CSMD1: variants seen among roughly 807,000 people sequenced by gnomAD.
The protein encoded by CSMD1 is CUB and sushi domain-containing protein 1.
CSMD1 carries 213 observed loss-of-function variants against 417.5 expected under a neutral mutation model. The ratio of observed to expected loss-of-function variants is 0.51; its 90% CI spans 0.46 to 0.57. The LOEUF is 0.57. CSMD1 is among the 20% of genes least tolerant of loss of function. The probability of loss-of-function intolerance (pLI) is 0.00; values close to 1 mark genes in which losing one functional copy is unlikely to be tolerated. For missense variants in CSMD1, 6,923 were observed against 4,529.7 expected (o/e 1.53, Z -15.17); for synonymous variants, 2,862 against 1,736.8 (o/e 1.65, Z -16.11).
intron 5 of CSMD1, among the ~76,000 whole-genome samples, chr8:3,956,367 T>C (rs552225021): frequency 2.2e-3 from 339 of 152,210 alleles, no homozygotes; most frequent in African/African-American, 7.8e-3. Context: ...TATAGAACAA[T>C]TAGAAGTGAG....
At chr8:3,832,301 C>G (rs10111503) in intron 5 of CSMD1, among the ~76,000 whole-genome samples, 62,772 of 152,058 alleles carry the variant, frequency 0.41, 13,776 homozygotes, top group African/African-American at 0.56. Flanking sequence ...TTAATCTTTA[C>G]CGTTAAAACG....
At chr8:4,398,385 CTTCTTTTTT>C (rs1804403364) in intron 3 of CSMD1, among the ~76,000 whole-genome samples, 1 of 118,134 alleles carries the variant, frequency 8.5e-6, no homozygotes, top group African/African-American at 3.2e-5. Flanking sequence ...CTTGCTGCAA[CTTCTTTTTT>C]TTTTTTTTTT....
chr8:3,296,890 G>A (rs1039432017), intron 25 of CSMD1, among the ~76,000 whole-genome samples: 1 of 152,184 alleles, frequency 6.6e-6, no homozygotes, highest in Admixed American at 6.5e-5. Context: ...AGATGGAGGG[G>A]TATGTAGGTA....
chr8:3,170,562 G>C lies in CSMD1; in HGVS notation c.5726-8285C>G, dbSNP rs114695715. ...GTGTGCTTTACCCTCCCATAGCACA[G>C]AATATACTGCATTTTAAGTCTTTTG... On this transcript the variant is annotated intron_variant, in intron 37 of 69. Coordinates refer to ENST00000635120, the MANE Select transcript of CSMD1 (RefSeq NM_033225.6). 3.6e-3 allele frequency among the ~76,000 whole-genome samples: 545 copies of C among 152,328 alleles called. 7 individuals carry two copies. Among genetic ancestry groups the C allele is most frequent in the African/African-American group, 0.012 (496 of 41,582 alleles).
chr8:4,188,560 G>C (rs893800615), intron 3 of CSMD1, among the ~76,000 whole-genome samples: 3 of 152,074 alleles, frequency 2.0e-5, no homozygotes, highest in African/African-American at 7.2e-5. Flanking sequence ...GGCAGTATGA[G>C]GTAGACACTG....
chr8:3,568,488 G>A (rs1799811715), intron 10 of CSMD1, among the ~76,000 whole-genome samples: 2 of 152,302 alleles, frequency 1.3e-5, no homozygotes, highest in Admixed American at 6.5e-5. Context: ...AATCCTCAGA[G>A]TTTTTAATGA....
chr8:3,316,090 G>C (rs1157862630), intron 23 of CSMD1, among the ~76,000 whole-genome samples: 2 of 151,990 alleles, frequency 1.3e-5, no homozygotes, highest in African/African-American at 4.8e-5. Flanking sequence ...GGGAACTTGG[G>C]GCAAGACCAG....
chr8:3,979,008 A>G (rs1813651385), intron 5 of CSMD1, among the ~76,000 whole-genome samples: 1 of 152,198 alleles, frequency 6.6e-6, no homozygotes, highest in Admixed American at 6.5e-5. Context: ...GAAAATCAGA[A>G]AAAGAACAAA....
intron 3 of CSMD1, among the ~76,000 whole-genome samples, chr8:4,287,860 G>C (rs947258048): frequency 2.6e-5 from 4 of 151,858 alleles, no homozygotes; most frequent in African/African-American, 9.7e-5. Flanking sequence ...CCTGTTCCTA[G>C]GTGAAAACAA....
At chr8:3,433,330 C>A (rs115358721) in intron 12 of CSMD1, among the ~76,000 whole-genome samples, 3 of 152,166 alleles carry the variant, frequency 2.0e-5, no homozygotes, top group African/African-American at 7.2e-5. Context: ...ACTTCCACTG[C>A]CTGACTGTTT....
At chr8:3,802,080 G>A (rs1183255030) in intron 5 of CSMD1, among the ~76,000 whole-genome samples, 2 of 151,948 alleles carry the variant, frequency 1.3e-5, no homozygotes, top group Non-Finnish European at 2.9e-5. Context: ...TAAACTTAAG[G>A]ATATGTAAAT....
At chr8:3,746,521 C>T (rs183316913) in intron 6 of CSMD1, among the ~76,000 whole-genome samples, 22 of 152,234 alleles carry the variant, frequency 1.4e-4, no homozygotes, top group Admixed American at 1.4e-3. Context: ...TAAATCAATA[C>T]ATAAAAGTGC....
intron 5 of CSMD1, among the ~76,000 whole-genome samples, chr8:3,803,934 T>G (rs1800592540): frequency 6.6e-6 from 1 of 152,066 alleles, no homozygotes; most frequent in Non-Finnish European, 1.5e-5. Flanking sequence ...GTTTCTCTTT[T>G]TTTCTTTTTT....
intron 10 of CSMD1, among the ~76,000 whole-genome samples, chr8:3,514,051 A>C (rs1186066716): frequency 6.6e-6 from 1 of 152,194 alleles, no homozygotes; most frequent in Non-Finnish European, 1.5e-5. Flanking sequence ...CAGTTCTCTT[A>C]GGAACACCCT....
At chr8:4,040,150 C>T (rs896052760) in intron 3 of CSMD1, among the ~76,000 whole-genome samples, 1 of 152,096 alleles carries the variant, frequency 6.6e-6, no homozygotes, top group African/African-American at 2.4e-5. Context: ...AGAGTCAAGG[C>T]TATTAATGAA....
chr8:3,750,191 A>G (rs1797264071), intron 6 of CSMD1, among the ~76,000 whole-genome samples: 1 of 152,152 alleles, frequency 6.6e-6, no homozygotes, highest in Admixed American at 6.5e-5. Flanking sequence ...AGTAACACTG[A>G]CGGAATTTTT....
intron 25 of CSMD1, among the ~76,000 whole-genome samples, chr8:3,301,926 C>T (rs1269649904): frequency 6.6e-6 from 1 of 152,052 alleles, no homozygotes. Flanking sequence ...GCTTTGTTTT[C>T]AGATTCTATG....
intron 5 of CSMD1, among the ~76,000 whole-genome samples, chr8:3,798,840 A>C (rs919701327): frequency 2.0e-5 from 3 of 151,996 alleles, no homozygotes; most frequent in Non-Finnish European, 2.9e-5. Context: ...AAAATGTTGT[A>C]TTTTCCTACT....
chr8:3,029,244 G>A, intron 51 of CSMD1, 75 bp downstream of exon 51: 2 of 1,225,540 alleles, frequency 1.6e-6, no homozygotes, highest in Non-Finnish European at 1.1e-6. Context: ...CACTAGAGAA[G>A]CTCACCACTG....
Sources: gnomAD v4.1 joint callset for allele counts (sites outside exome capture counted in the v4.1 genomes callset) on GRCh38, gnomAD v4.1.1 for gene constraint, MANE v1.5 for transcripts, NCBI Gene and HGNC (gene_info 2026-07-23, HGNC 2026-07-21) for gene names.